The following ROBO1 variants were observed in gnomAD, a reference collection of about 807,000 sequenced individuals.
The protein encoded by ROBO1 is roundabout homolog 1.
In ROBO1, 149 loss-of-function variants were observed where a neutral mutation model predicts 195.9. The observed-to-expected ratio is 0.76, with a 90% confidence interval of 0.67 to 0.87. ROBO1 has a LOEUF of 0.87. ROBO1 is among the 40% of genes least tolerant of loss of function. ROBO1 has a pLI of 0.00. For synonymous variants in ROBO1, 816 were observed against 733.2 expected (o/e 1.11, Z -1.82); for missense variants, 1,933 against 2,068.3 (o/e 0.93, Z 1.27).
intron 8 of ROBO1, among the ~76,000 whole-genome samples, chr3:78,707,273 G>A (rs1021645730): frequency 3.3e-5 from 5 of 152,108 alleles, no homozygotes; most frequent in African/African-American, 9.7e-5. Flanking sequence ...AAGACAGCAC[G>A]GGGCTTTTTT....
intron 2 of ROBO1, among the ~76,000 whole-genome samples, chr3:79,188,548 G>GCACACA (rs148120880): frequency 1.3e-5 from 2 of 149,770 alleles, no homozygotes; most frequent in Non-Finnish European, 3.0e-5. Context: ...CTTTGCACAC[G>GCACACA]CACACACACA....
chr3:79,521,983 C>A (rs1174141353), intron 2 of ROBO1, among the ~76,000 whole-genome samples: 1 of 151,994 alleles, frequency 6.6e-6, no homozygotes, highest in Non-Finnish European at 1.5e-5. Context: ...ATGCTATAAT[C>A]CAAAGGAAGT....
At chr3:78,687,142 C>T (rs2081069903) in intron 9 of ROBO1, among the ~76,000 whole-genome samples, 1 of 142,878 alleles carries the variant, frequency 7.0e-6, no homozygotes, top group East Asian at 2.0e-4. Context: ...GAAATTTGAT[C>T]TAATGTTTAA....
Position 78,836,512 on chromosome 3 carries a change from C to CAAAAAA in ROBO1, c.500-89618_500-89613dup, listed in dbSNP as rs370559968. 4.0e-3 allele frequency among the ~76,000 whole-genome samples: 484 copies of CAAAAAA among 122,358 alleles called. 36 individuals carry two copies. The highest frequency in any genetic ancestry group is 9.9e-3 in the African/African-American group (299 of 30,320). The allele number at this position is 122,358 out of a possible 152,430, so 80.3% of individuals were successfully genotyped here. The stretch of plus-strand genomic sequence containing the variant: ...GAGACACAGAGCGAGACTCTGTCTC[C>CAAAAAA]AAAAAAAAAAATTATTCAAAAAACA... On this transcript the variant is annotated intron_variant, in intron 4 of 30. Transcript: ENST00000464233.
intron 18 of ROBO1, among the ~76,000 whole-genome samples, chr3:78,656,064 T>G (rs367746613): frequency 1.2e-4 from 18 of 152,306 alleles, no homozygotes; most frequent in African/African-American, 4.1e-4. Flanking sequence ...TAATTTGTAC[T>G]TTATGTTCAT....
At position 79,734,284 on chromosome 3, in the gene ROBO1, A is replaced by G. The variant is rs575509812; in HGVS notation, c.-51+33468T>C. On this transcript the variant is annotated intron_variant, in intron 1 of 30. Transcript: ENST00000464233. ...TTAACTGTTTTCTTTTGGCTCCTTC[A>G]TAGTTTGTAAATATGCATGAGTCTC... Among the ~76,000 whole-genome samples, 78 of 152,264 alleles carry G rather than the reference A, an allele frequency of 5.1e-4. 1 individual carries two copies. Among genetic ancestry groups the G allele is most frequent in the Non-Finnish European group, 8.7e-4 (59 of 68,008 alleles).
At chr3:78,962,578 C>G (rs1219199821) in intron 3 of ROBO1, among the ~76,000 whole-genome samples, 1 of 152,024 alleles carries the variant, frequency 6.6e-6, no homozygotes, top group Non-Finnish European at 1.5e-5. Context: ...GTAATCCCAG[C>G]ACTTTGGGAG....
chr3:78,952,034 T>C (rs2040820402), intron 3 of ROBO1, among the ~76,000 whole-genome samples: 1 of 151,682 alleles, frequency 6.6e-6, no homozygotes, highest in Admixed American at 6.6e-5. Context: ...CATTAATATT[T>C]ACCTTATGGT....
At chr3:79,567,353 G>T (rs11925703) in intron 2 of ROBO1, among the ~76,000 whole-genome samples, 36,910 of 151,768 alleles carry the variant, frequency 0.24, 5,125 homozygotes, top group African/African-American at 0.37. Context: ...TGTTTTCCTG[G>T]GTAACAAACT....
chr3:79,719,365 T>C (rs931753013), intron 1 of ROBO1, among the ~76,000 whole-genome samples: 3 of 152,098 alleles, frequency 2.0e-5, no homozygotes, highest in Non-Finnish European at 4.4e-5. Context: ...TAGACTAAAA[T>C]TATTAAATCT....
chr3:78,756,390 A>G (rs1258704481), intron 4 of ROBO1, among the ~76,000 whole-genome samples: 1 of 152,216 alleles, frequency 6.6e-6, no homozygotes, highest in Non-Finnish European at 1.5e-5. Context: ...AACTAATAAC[A>G]TATTAAAGAA....
intron 2 of ROBO1, among the ~76,000 whole-genome samples, chr3:79,204,240 A>G (rs2081822802): frequency 1.3e-5 from 2 of 152,124 alleles, no homozygotes; most frequent in East Asian, 3.9e-4. Context: ...TTTCTCTTAC[A>G]GTTATTTTGA....
chr3:79,157,357 A>G (rs766591507), intron 2 of ROBO1, among the ~76,000 whole-genome samples: 11 of 151,922 alleles, frequency 7.2e-5, no homozygotes, highest in Non-Finnish European at 1.5e-4. Context: ...GGAAGCTGGC[A>G]CACCAGTTAC....
chr3:79,573,997 ACT>A (rs1943364671), intron 2 of ROBO1, among the ~76,000 whole-genome samples: 1 of 151,988 alleles, frequency 6.6e-6, no homozygotes, highest in Admixed American at 6.6e-5. Context: ...ATCCAGGGAA[ACT>A]CTAGACAGAG....
Position 78,799,037 on chromosome 3 carries a change from T to C in ROBO1, c.500-52137A>G, listed in dbSNP as rs1429305611. On this transcript the variant is annotated intron_variant, in intron 4 of 30. Coordinates refer to ENST00000464233, the MANE Select transcript of ROBO1 (RefSeq NM_002941.4). ...CAGCTTGGATGATTTTATACTGGAGTTGAGAGTGATGATATGATAGATTAT... is the reference window on the plus strand; with the variant it reads ...CAGCTTGGATGATTTTATACTGGAGCTGAGAGTGATGATATGATAGATTAT... 3.9e-5 allele frequency among the ~76,000 whole-genome samples: 6 copies of C among 152,012 alleles called. No homozygotes were observed. In the South Asian group the frequency reaches 8.3e-4, roughly 21 times the overall value.
At chr3:79,618,325 C>G (rs778165328) in intron 1 of ROBO1, among the ~76,000 whole-genome samples, 5 of 152,132 alleles carry the variant, frequency 3.3e-5, no homozygotes, top group Non-Finnish European at 7.4e-5. Flanking sequence ...GGCCTCTGAG[C>G]CCACATCTGC....
intron 3 of ROBO1, among the ~76,000 whole-genome samples, chr3:78,989,806 T>C (rs6797152): frequency 0.96 from 145,294 of 152,084 alleles, 69,637 homozygotes; most frequent in East Asian, 1. Context: ...AAAAAAACCC[T>C]ATATACCATT....
At chr3:79,759,866 T>A (rs1704594208) in intron 1 of ROBO1, among the ~76,000 whole-genome samples, 1 of 152,126 alleles carries the variant, frequency 6.6e-6, no homozygotes, top group Admixed American at 6.5e-5. Context: ...TATGGAACAC[T>A]TATGAGTGGC....
intron 2 of ROBO1, among the ~76,000 whole-genome samples, chr3:79,541,664 G>C (rs899968895): frequency 6.6e-6 from 1 of 151,808 alleles, no homozygotes; most frequent in African/African-American, 2.4e-5. Flanking sequence ...AATTTTAGTT[G>C]TGCTTTCTAC....
Sources: allele counts gnomAD v4.1 joint callset (sites outside exome capture counted in the v4.1 genomes callset), GRCh38; gene constraint gnomAD v4.1.1; transcripts MANE v1.5; gene names NCBI Gene and HGNC (gene_info 2026-07-23, HGNC 2026-07-21).